The following NAP1L4 variants were observed in gnomAD, a reference collection of about 807,000 sequenced individuals.
NAP1L4 encodes nucleosome assembly protein 1-like 4.
NAP1L4 carries 15 observed loss-of-function variants against 58.2 expected under a neutral mutation model. The ratio of observed to expected loss-of-function variants is 0.26; its 90% CI spans 0.17 to 0.40. The LOEUF (loss-of-function observed/expected upper bound fraction) is 0.40, where lower values mean the gene tolerates loss of function less well. Ranked by LOEUF, NAP1L4 falls within the 10% of genes least tolerant of loss-of-function variation. The pLI is 1.00. For synonymous variants in NAP1L4, 171 were observed against 155.6 expected (o/e 1.10, Z -0.74); for missense variants, 384 against 451.1 (o/e 0.85, Z 1.35).
At position 2,954,645 on chromosome 11, in the gene NAP1L4, T is replaced by C. The variant is rs1846422112; in HGVS notation, c.917A>G (p.Asp306Gly). The C allele has an allele frequency of 1.2e-6, 2 of 1,614,108 alleles. No homozygotes were observed. Among genetic ancestry groups the C allele is most frequent in the African/African-American group, 1.3e-5 (1 of 74,920 alleles). The change falls in exon 12 of 16, where the codon GAT (aspartate) becomes GGT (glycine). Residue 306 changes from aspartate to glycine, a missense_variant and splice_region_variant. By Grantham distance (94) the Asp-to-Gly change is moderately conservative. Coordinates refer to ENST00000380542, the MANE Select transcript of NAP1L4 (RefSeq NM_005969.4). This position sits in a 1 kb window ranked among gnomAD's most constrained non-coding sequence, Gnocchi z 4.8. The part of the protein sequence containing the change: ...LKASGDGESL[D>G]EDSEFTLASD... ...GGCTAATGTGAATTCAGAATCTTCA[T>C]CCTGAGGAGGAAAAACCTACGTGTT...
At position 2,951,850 on chromosome 11, in the gene NAP1L4, T is replaced by G; in HGVS notation, c.1036-41A>C. ...AAAACATTTTTAGGTTTACAAAACA[T>G]GACAGCAGCCTGCCCAAGACACCAG... On this transcript the variant is annotated intron_variant, in intron 12 of 15. Transcript: ENST00000380542. The surrounding 1 kb of genome is among the most constrained non-coding windows in gnomAD (Gnocchi z 4.0). 6.2e-7 allele frequency: 1 copy of G among 1,600,822 alleles called. No homozygotes were observed. Among genetic ancestry groups the G allele is most frequent in the South Asian group, 1.1e-5 (1 of 90,536 alleles).
At chr11:2,979,964 G>T (rs1273510984) in intron 1 of NAP1L4, among the ~76,000 whole-genome samples, 1 of 151,852 alleles carries the variant, frequency 6.6e-6, no homozygotes, top group Non-Finnish European at 1.5e-5. Flanking sequence ...TTAACTTATG[G>T]GATTATTTTC....
Position 2,959,364 on chromosome 11 carries a change from C to G in NAP1L4, c.746+406G>C, listed in dbSNP as rs1436090148. 3.3e-5 allele frequency among the ~76,000 whole-genome samples: 5 copies of G among 152,350 alleles called. No individual in the cohort carries two copies. In the East Asian group the frequency reaches 9.6e-4, roughly 29 times the overall value. ...CAAACAACAGCTATGCTGCCCCCAC[C>G]TATTTCCAAAGCAATCAGCTGATCA... On this transcript the variant is annotated intron_variant, in intron 9 of 15. Transcript: ENST00000380542. The surrounding 1 kb of genome is among the most constrained non-coding windows in gnomAD (Gnocchi z 4.9).
intron 8 of NAP1L4, chr11:2,963,840 A>C (rs751486503): frequency 1.9e-6 from 1 of 519,286 alleles, no homozygotes; most frequent in Admixed American, 1.9e-5. Flanking sequence ...ATGCTATTGC[A>C]CCGGAATGGA....
rs923114437 is a variant in NAP1L4, at chr11:2,984,125, C to T, written c.-17-4888G>A. On this transcript the variant is annotated intron_variant, in intron 1 of 15. Transcript: ENST00000380542. ...GCGGCTGCAGTGAGCTATCACTGCG[C>T]CACTGAACTCCAGCCTGGACAACAG... Among the ~76,000 whole-genome samples the T allele has an allele frequency of 2.7e-5, 4 of 146,938 alleles. No homozygotes were observed. In the Admixed American group the frequency reaches 2.8e-4, roughly 10 times the overall value.
At chr11:2,968,266 G>A (rs745881835) in intron 7 of NAP1L4, among the ~76,000 whole-genome samples, 6 of 152,198 alleles carry the variant, frequency 3.9e-5, no homozygotes, top group Non-Finnish European at 8.8e-5. Flanking sequence ...TCAGTGCCAT[G>A]GTGACAGATG....
At chr11:2,976,228 TCTA>T (rs1590257528) in intron 3 of NAP1L4, 105 bp from the exon 4 acceptor site, 3 of 703,806 alleles carry the variant, frequency 4.3e-6, no homozygotes, top group East Asian at 2.7e-5. Flanking sequence ...TAGATTTACA[TCTA>T]CTAATTTCTA....
At position 2,959,749 on chromosome 11, in the gene NAP1L4, G is replaced by A. The variant is rs750739602; in HGVS notation, c.746+21C>T. ...TTTTGATTTTGTTTCAGAAAAACAA[G>A]GTAGAATGACATTTTCTTACCCGTC... On this transcript the variant is annotated intron_variant, in intron 9 of 15. Coordinates refer to ENST00000380542, the MANE Select transcript of NAP1L4 (RefSeq NM_005969.4). The surrounding 1 kb of genome is among the most constrained non-coding windows in gnomAD (Gnocchi z 4.9). The A allele has an allele frequency of 3.7e-6, 6 of 1,608,764 alleles. No individual in the cohort carries two copies. The highest frequency in any genetic ancestry group is 4.2e-6 in the Non-Finnish European group (5 of 1,178,132).
At chr11:2,969,202 G>T (rs758435012) in intron 7 of NAP1L4, among the ~76,000 whole-genome samples, 4 of 151,896 alleles carry the variant, frequency 2.6e-5, no homozygotes, top group Admixed American at 2.0e-4. Context: ...TGCTGCCCAG[G>T]CTGGTCTCAA....
At chr11:2,947,390 T>C (rs1350364584) in intron 15 of NAP1L4, among the ~76,000 whole-genome samples, 3 of 152,216 alleles carry the variant, frequency 2.0e-5, no homozygotes, top group Admixed American at 6.5e-5. Flanking sequence ...CATGACCCAG[T>C]GCCTTGCTGG....
intron 7 of NAP1L4, among the ~76,000 whole-genome samples, chr11:2,966,029 A>G (rs1747760162): frequency 6.6e-6 from 1 of 152,186 alleles, no homozygotes; most frequent in South Asian, 2.1e-4. Flanking sequence ...TCAGAAGAGG[A>G]GTGGGAAGAC....
At chr11:2,953,705 T>C (rs1846361971) in intron 12 of NAP1L4, among the ~76,000 whole-genome samples, 1 of 152,190 alleles carries the variant, frequency 6.6e-6, no homozygotes, top group Non-Finnish European at 1.5e-5. Flanking sequence ...TGGAACTCAG[T>C]ACAATGGGAG....
In NAP1L4 at chr11:2,972,253, G is replaced by A. The variant is rs746646712; in HGVS notation, c.174-10C>T. 6.3e-6 allele frequency: 10 copies of A among 1,590,704 alleles called. No individual in the cohort carries two copies. Among genetic ancestry groups the A allele is most frequent in the Non-Finnish European group, 7.7e-6 (9 of 1,172,546 alleles). On this transcript the variant is annotated splice_polypyrimidine_tract_variant and intron_variant, in intron 4 of 15. Transcript: ENST00000380542. ...TACTGCTTTAGGTAAACTAAAAAAG[G>A]GAGTAAGAAATACAACATCCTCATG...
intron 10 of NAP1L4, among the ~76,000 whole-genome samples, chr11:2,957,738 TA>T (rs1159459027): frequency 6.6e-6 from 1 of 152,182 alleles, no homozygotes; most frequent in Admixed American, 6.5e-5. Context: ...TAGGAAAATT[TA>T]AAAAATAAAT....
At position 2,969,901 on chromosome 11, in the gene NAP1L4, T is replaced by C. The variant is rs758634873; in HGVS notation, c.436A>G (p.Lys146Glu). The C allele has an allele frequency of 1.9e-6, 3 of 1,613,768 alleles. No individual in the cohort carries two copies. Among genetic ancestry groups the C allele is most frequent in the Non-Finnish European group, 2.5e-6 (3 of 1,179,766 alleles). ...GGCTCTTCAGCCGTTGCCGCTGCTT[T>C]TTCTGTGACGACTACTTTACTTTTC... ...DMKSKVVVTE[K>E]AAATAEEPDP... is the part of the protein sequence containing the mutation. The change falls in exon 7 of 16, where the codon AAA (lysine) becomes GAA (glutamate). Residue 146 changes from lysine to glutamate, a missense_variant. Physicochemically the swap from Lys to Glu is moderately conservative, Grantham distance 56. Around this residue, in one of 3 missense-constraint regions of NAP1L4, gnomAD observed 296 missense variants for 360.8 expected, o/e 0.82. Coordinates refer to ENST00000380542, the MANE Select transcript of NAP1L4 (RefSeq NM_005969.4).
At chr11:2,961,402 C>T (rs183333694) in intron 8 of NAP1L4, among the ~76,000 whole-genome samples, 12 of 151,684 alleles carry the variant, frequency 7.9e-5, no homozygotes, top group Non-Finnish European at 1.8e-4. Context: ...AACGAAAGGC[C>T]AGTCACCTGC....
chr11:2,990,824 A>G (rs1848917939), intron 1 of NAP1L4: 1 of 238,420 alleles, frequency 4.2e-6, no homozygotes, highest in Non-Finnish European at 8.8e-6. Context: ...AACAGGCTGA[A>G]AGAGTCCCTG....
chr11:2,985,713 TAA>T (rs1848578648), intron 1 of NAP1L4, among the ~76,000 whole-genome samples: 2 of 151,448 alleles, frequency 1.3e-5, no homozygotes, highest in South Asian at 4.2e-4. Flanking sequence ...TAAAAATAAA[TAA>T]AAGACAATCA....
Position 2,946,310 on chromosome 11 carries a change from C to T in NAP1L4, c.*33-664G>A, listed in dbSNP as rs1266888174. 1.3e-5 allele frequency among the ~76,000 whole-genome samples: 2 copies of T among 152,148 alleles called. No homozygotes were observed. Among genetic ancestry groups the T allele is most frequent in the African/African-American group, 2.4e-5 (1 of 41,428 alleles). Reference sequence around the variant, plus strand: ...AGGGGCAATGCTATCCTTCCAGTAACGGCATCCGGGACACAAAATTCCCCT... The same window carrying T: ...AGGGGCAATGCTATCCTTCCAGTAATGGCATCCGGGACACAAAATTCCCCT... On this transcript the variant is annotated intron_variant, in intron 15 of 15. Coordinates refer to ENST00000380542, the MANE Select transcript of NAP1L4 (RefSeq NM_005969.4). The surrounding 1 kb of genome is among the most constrained non-coding windows in gnomAD (Gnocchi z 4.8).
Sources: gnomAD v4.1 joint callset for allele counts (sites outside exome capture counted in the v4.1 genomes callset) on GRCh38, gnomAD v4.1.1 for gene constraint, gnomAD v4.1.1 regional missense constraint, Gnocchi (gnomAD v3.1) non-coding constraint, MANE v1.5 for transcripts, NCBI Gene and HGNC (gene_info 2026-07-23, HGNC 2026-07-21) for gene names.